BAIAP2L1: variants seen among roughly 807,000 people sequenced by gnomAD.
BAIAP2L1 encodes the protein BAR/IMD domain-containing adapter protein 2-like 1.
A neutral mutation model predicts 66.3 loss-of-function variants in BAIAP2L1; 35 were observed. The observed-to-expected ratio is 0.53, with a 90% confidence interval of 0.40 to 0.70. The LOEUF is 0.70. BAIAP2L1 is among the 30% of genes least tolerant of loss of function. BAIAP2L1 has a pLI of 0.00. For synonymous variants in BAIAP2L1, 269 were observed against 248.7 expected, an observed-to-expected ratio of 1.08 and a Z score of -0.77; for missense variants, 622 against 656.9, an observed-to-expected ratio of 0.95 and a Z score of 0.58.
At chr7:98,339,490 A>G (rs757575915) in intron 3 of BAIAP2L1, among the ~76,000 whole-genome samples, 29 of 152,166 alleles carry the variant, frequency 1.9e-4, no homozygotes, top group Non-Finnish European at 8.8e-5. Flanking sequence ...AAGACCAAAA[A>G]ACTTCTAGAA....
chr7:98,292,845 C>T lies in BAIAP2L1; in HGVS notation c.*676G>A. ...CCGTGTGCAGCGAATCCGTTGGCGA[C>T]TCCTAACTACCAAGAAAAGGAGCTC... On this transcript the variant is annotated 3_prime_UTR_variant, in exon 14 of 14. Coordinates refer to ENST00000005260, the MANE Select transcript of BAIAP2L1 (RefSeq NM_018842.5). 6.9e-7 allele frequency: 1 copy of T among 1,458,988 alleles called. No homozygotes were observed. Among genetic ancestry groups the T allele is most frequent in the Non-Finnish European group, 9.1e-7 (1 of 1,104,560 alleles). The allele number at this position is 1,458,988 out of a possible 1,614,324, so 90.4% of individuals were successfully genotyped here. A position where few individuals can be genotyped will look rare whatever the true frequency, so the allele number is the denominator to read the frequency against.
intron 9 of BAIAP2L1, 178 bp from the exon 10 acceptor site, chr7:98,308,074 T>C (rs920298993): frequency 8.3e-6 from 6 of 722,138 alleles, no homozygotes; most frequent in Admixed American, 8.0e-5. Flanking sequence ...ACAGGGACTG[T>C]TGAGAAACAG....
At chr7:98,389,256 A>C (rs966013358) in intron 1 of BAIAP2L1, among the ~76,000 whole-genome samples, 52 of 152,112 alleles carry the variant, frequency 3.4e-4, no homozygotes, top group African/African-American at 1.2e-3. Context: ...TGGTGGTTGG[A>C]TCTGTCATCT....
At chr7:98,375,755 AAAAAAAAG>A (rs1456377596) in intron 1 of BAIAP2L1, among the ~76,000 whole-genome samples, 15 of 151,558 alleles carry the variant, frequency 9.9e-5, no homozygotes, top group African/African-American at 3.4e-4. Flanking sequence ...AAAAAAAAAA[AAAAAAAAG>A]AAAAGAAAAA....
chr7:98,379,882 T>C (rs1258958843), intron 1 of BAIAP2L1, among the ~76,000 whole-genome samples: 1 of 152,138 alleles, frequency 6.6e-6, no homozygotes, highest in Non-Finnish European at 1.5e-5. Context: ...GAAAATCTAT[T>C]AGTGGTTGCC....
At chr7:98,383,951 T>C (rs1427172015) in intron 1 of BAIAP2L1, among the ~76,000 whole-genome samples, 1 of 151,714 alleles carries the variant, frequency 6.6e-6, no homozygotes, top group South Asian at 2.1e-4. Context: ...GTCAGGAGTT[T>C]GAGACCAGCC....
At chr7:98,364,645 G>T (rs935828357) in intron 1 of BAIAP2L1, among the ~76,000 whole-genome samples, 2 of 151,852 alleles carry the variant, frequency 1.3e-5, no homozygotes, top group African/African-American at 4.8e-5. Context: ...CTATTTTGCT[G>T]AGTAGAGCAG....
At chr7:98,329,578 C>A (rs1169972364) in intron 3 of BAIAP2L1, among the ~76,000 whole-genome samples, 1 of 152,086 alleles carries the variant, frequency 6.6e-6, no homozygotes, top group African/African-American at 2.4e-5. Flanking sequence ...GAGCTTTGTT[C>A]TGTTCCAGTT....
Position 98,310,474 on chromosome 7 carries a change from G to A in BAIAP2L1, c.926C>T (p.Pro309Leu), listed in dbSNP as rs377479272. Residue 309 changes from proline to leucine, a missense_variant, in exon 9 of 14, where the codon CCG becomes CTG. Transcript: ENST00000005260. The part of the protein sequence containing the change: ...DMFNNPATAA[P>L]NSQRVNNSTG... ...TGAATTATTTACCCTTTGTGAATTC[G>A]GGGCAGCCGTGGCTGGGTTATTAAA... 5.1e-5 allele frequency: 81 copies of A among 1,600,306 alleles called. No individual in the cohort carries two copies. In the Admixed American group the frequency reaches 7.4e-4, roughly 15 times the overall value.
intron 3 of BAIAP2L1, among the ~76,000 whole-genome samples, chr7:98,327,616 T>C (rs1801404186): frequency 2.0e-5 from 3 of 152,094 alleles, no homozygotes; most frequent in African/African-American, 7.2e-5. Flanking sequence ...GAGGTTGCAG[T>C]GAGCTGAGAT....
At chr7:98,312,034 A>T in intron 8 of BAIAP2L1, 63 bp downstream of exon 8, 1 of 1,504,110 alleles carries the variant, frequency 6.6e-7, no homozygotes, top group Admixed American at 2.1e-5. Flanking sequence ...ACACAGGCAA[A>T]TTTGGCCCAG....
In BAIAP2L1 at chr7:98,292,318, T is replaced by C; in HGVS notation, c.*1203A>G. 3.0e-6 allele frequency: 1 copy of C among 338,862 alleles called. No homozygotes were observed. Among genetic ancestry groups the C allele is most frequent in the Non-Finnish European group, 5.6e-6 (1 of 178,722 alleles). 21.0% of individuals were successfully genotyped at this position (338,862 alleles called of 1,614,324 possible). On this transcript the variant is annotated 3_prime_UTR_variant, in exon 14 of 14. Coordinates refer to ENST00000005260, the MANE Select transcript of BAIAP2L1 (RefSeq NM_018842.5). ...CTCACTGCAACCTCTGCCTCCCGGG[T>C]TCAAGTGATTCTCCTGCCTCAGCCT...
chr7:98,312,064 G>A (rs200439220), intron 8 of BAIAP2L1, 33 bp downstream of exon 8: 3 of 1,557,778 alleles, frequency 1.9e-6, no homozygotes, highest in African/African-American at 1.4e-5. Context: ...GGAAACACAC[G>A]ATTGAAATCT....
rs559845770 is a variant in BAIAP2L1 at position 98,392,438 on chromosome 7, G to A, written c.51+8364C>T. Among the ~76,000 whole-genome samples, 149 of 152,288 alleles carry A rather than the reference G, an allele frequency of 9.8e-4. 2 individuals are homozygous for A. The highest frequency in any genetic ancestry group is 1.5e-3 in the Non-Finnish European group (104 of 68,038). ...AGCATCATTTGGTGCATGCTTTCTGGAGGGCATTTTGCAATGTGGAGCAAA... is the reference window on the plus strand; with the variant it reads ...AGCATCATTTGGTGCATGCTTTCTGAAGGGCATTTTGCAATGTGGAGCAAA... On this transcript the variant is annotated intron_variant, in intron 1 of 13. Coordinates refer to ENST00000005260, the MANE Select transcript of BAIAP2L1 (RefSeq NM_018842.5).
chr7:98,392,767 G>C (rs1345975038), intron 1 of BAIAP2L1, among the ~76,000 whole-genome samples: 1 of 152,048 alleles, frequency 6.6e-6, no homozygotes, highest in Non-Finnish European at 1.5e-5. Context: ...GTTATCTCTG[G>C]TTTGCAGGAT....
At chr7:98,340,333 G>A (rs1801711325) in intron 3 of BAIAP2L1, among the ~76,000 whole-genome samples, 1 of 152,114 alleles carries the variant, frequency 6.6e-6, no homozygotes, top group Non-Finnish European at 1.5e-5. Flanking sequence ...TGTCGCCCAG[G>A]CTGGAATGCA....
intron 12 of BAIAP2L1, among the ~76,000 whole-genome samples, chr7:98,295,582 G>C (rs910116825): frequency 5.3e-5 from 8 of 152,168 alleles, no homozygotes; most frequent in African/African-American, 1.7e-4. Flanking sequence ...CTCTGTTGCA[G>C]AAGGGCCATG....
intron 3 of BAIAP2L1, among the ~76,000 whole-genome samples, chr7:98,326,267 GCA>G (rs949863230): frequency 6.6e-6 from 1 of 152,084 alleles, no homozygotes; most frequent in African/African-American, 2.4e-5. Context: ...ACAGAGCAAG[GCA>G]CAGTCTCAAA....
intron 3 of BAIAP2L1, among the ~76,000 whole-genome samples, chr7:98,351,241 GAC>G (rs1358427098): frequency 2.0e-5 from 3 of 152,142 alleles, no homozygotes; most frequent in Non-Finnish European, 4.4e-5. Flanking sequence ...ACTCCACTCA[GAC>G]ACACAAAAAA....
Sources: gnomAD v4.1 joint callset for allele counts (sites outside exome capture counted in the v4.1 genomes callset) on GRCh38, gnomAD v4.1.1 for gene constraint, MANE v1.5 for transcripts, NCBI Gene and HGNC (gene_info 2026-07-23, HGNC 2026-07-21) for gene names.